Variants in SLC9C1 observed in about 807,000 individuals in gnomAD.
SLC9C1 encodes solute carrier family 9 member C1, also known as sodium/hydrogen exchanger 10.
Under a neutral mutation model 140.9 loss-of-function variants are expected in SLC9C1, and 97 were observed. The observed-to-expected ratio is 0.69, with a 90% CI of 0.58 to 0.82. The LOEUF (loss-of-function observed/expected upper bound fraction) is 0.82, where lower values mean the gene tolerates loss of function less well. SLC9C1 is among the 40% of genes least tolerant of loss of function. SLC9C1 has a pLI of 0.00. For missense variants in SLC9C1, 1,340 were observed against 1,389.3 expected (o/e 0.96, Z 0.56); for synonymous variants, 440 against 442.6 (o/e 0.99, Z 0.07).
intron 5 of SLC9C1, among the ~76,000 whole-genome samples, chr3:112,275,500 T>C (rs929238446): frequency 2.0e-5 from 3 of 152,186 alleles, no homozygotes; most frequent in Non-Finnish European, 4.4e-5. Context: ...TCAATCTCCA[T>C]GAATGGAGAG....
chr3:112,257,606 G>A (rs760040649), intron 10 of SLC9C1, among the ~76,000 whole-genome samples: 9 of 151,998 alleles, frequency 5.9e-5, no homozygotes, highest in Non-Finnish European at 1.0e-4. Flanking sequence ...CCTGGAAGAC[G>A]ACCTAGGCAA....
At chr3:112,287,035 T>TA (rs1350743783) in intron 1 of SLC9C1, among the ~76,000 whole-genome samples, 157 bp from the exon 2 acceptor site, 4 of 152,180 alleles carry the variant, frequency 2.6e-5, no homozygotes, top group Non-Finnish European at 5.9e-5. Flanking sequence ...GTTAATGTAA[T>TA]AAAAAAGTCA....
chr3:112,274,345 G>A (rs1462425366), intron 6 of SLC9C1, among the ~76,000 whole-genome samples: 5 of 151,874 alleles, frequency 3.3e-5, no homozygotes. Flanking sequence ...CATGATAAAG[G>A]GGAAAAAAAG....
Position 112,149,679 on chromosome 3 carries a change from G to A in SLC9C1, c.3524+2178C>T, listed in dbSNP as rs144816766. ...CAAATGCCTGGAGGTCTGCCTGGGT[G>A]TGGAACAGAGAGCCCCACTGTACCA... On this transcript the variant is annotated intron_variant, in intron 28 of 28. Transcript: ENST00000305815. Among the ~76,000 whole-genome samples the A allele has an allele frequency of 5.2e-3, 785 of 152,252 alleles. 6 individuals carry two copies. Among genetic ancestry groups the A allele is most frequent in the Non-Finnish European group, 4.8e-3 (325 of 68,022 alleles).
intron 23 of SLC9C1, among the ~76,000 whole-genome samples, chr3:112,174,945 G>T (rs1010220116): frequency 3.9e-5 from 6 of 152,158 alleles, no homozygotes; most frequent in African/African-American, 1.4e-4. Flanking sequence ...TGAGCTGGTT[G>T]CTCTTTGCTG....
At chr3:112,293,848 A>T (rs139249962) in intron 1 of SLC9C1, among the ~76,000 whole-genome samples, 3 of 152,342 alleles carry the variant, frequency 2.0e-5, no homozygotes, top group South Asian at 2.1e-4. Flanking sequence ...GAGTTGATGT[A>T]AAAAGCATAA....
chr3:112,181,192 A>AAT (rs1329049610), intron 21 of SLC9C1, among the ~76,000 whole-genome samples: 1 of 152,204 alleles, frequency 6.6e-6, no homozygotes, highest in Non-Finnish European at 1.5e-5. Context: ...GATCTTTGTG[A>AAT]ATATATGCAA....
At chr3:112,198,907 T>C (rs1314013809) in intron 20 of SLC9C1, among the ~76,000 whole-genome samples, 1 of 152,002 alleles carries the variant, frequency 6.6e-6, no homozygotes, top group Non-Finnish European at 1.5e-5. Context: ...TATGTCATAG[T>C]ACCATTTATG....
chr3:112,244,222 T>A, intron 10 of SLC9C1, 146 bp from the exon 11 acceptor site: 2 of 430,776 alleles, frequency 4.6e-6, no homozygotes, highest in Non-Finnish European at 4.1e-6. Flanking sequence ...GGGGAGGAAT[T>A]AATCTAAGAT....
At chr3:112,288,017 T>G (rs1207658856) in intron 1 of SLC9C1, among the ~76,000 whole-genome samples, 1 of 117,408 alleles carries the variant, frequency 8.5e-6, no homozygotes, top group African/African-American at 3.2e-5. Flanking sequence ...CACTCCAGCT[T>G]GGGCCACAGA....
intron 14 of SLC9C1, among the ~76,000 whole-genome samples, chr3:112,220,358 G>A (rs754893313): frequency 5.3e-5 from 8 of 152,132 alleles, no homozygotes; most frequent in Non-Finnish European, 1.2e-4. Context: ...CTTAACACAA[G>A]GTTGGCACAT....
chr3:112,163,720 G>C (rs931615937), intron 26 of SLC9C1, among the ~76,000 whole-genome samples: 1 of 152,048 alleles, frequency 6.6e-6, no homozygotes, highest in African/African-American at 2.4e-5. Context: ...AATAGGTGTG[G>C]TGTGGTGCTG....
intron 13 of SLC9C1, among the ~76,000 whole-genome samples, chr3:112,222,558 G>A (rs569435503): frequency 6.6e-6 from 1 of 152,112 alleles, no homozygotes; most frequent in East Asian, 1.9e-4. Flanking sequence ...TATCACAAGC[G>A]AAAAAGAGGT....
intron 13 of SLC9C1, among the ~76,000 whole-genome samples, chr3:112,222,400 G>A (rs1376260916): frequency 6.6e-6 from 1 of 152,118 alleles, no homozygotes; most frequent in East Asian, 1.9e-4. Flanking sequence ...GAACAGAGCA[G>A]AGAAATCCAA....
Position 112,244,080 on chromosome 3 carries a change from G to T in SLC9C1, c.1198-4C>A. On this transcript the variant is annotated splice_region_variant and splice_polypyrimidine_tract_variant and intron_variant, in intron 10 of 28. Coordinates refer to ENST00000305815, the MANE Select transcript of SLC9C1 (RefSeq NM_183061.3). ...CTAACACTCCATGAAATAATATCTA[G>T]AATTGAAAAAAATACAAAGTAAGTA... 6.4e-7 allele frequency: 1 copy of T among 1,556,996 alleles called. No individual in the cohort carries two copies. Among genetic ancestry groups the T allele is most frequent in the Non-Finnish European group, 8.8e-7 (1 of 1,142,738 alleles).
chr3:112,249,651 A>G (rs184251499), intron 10 of SLC9C1, among the ~76,000 whole-genome samples: 38 of 152,208 alleles, frequency 2.5e-4, no homozygotes, highest in African/African-American at 8.7e-4. Flanking sequence ...GTTTCAATTT[A>G]TTCCTGGTTT....
rs1228400131 is a variant in SLC9C1, at chr3:112,274,988, T to A, written c.522A>T (p.Glu174Asp). Residue 174 changes from glutamate (E) to aspartate (D), a missense_variant, in exon 6 of 29, where the codon GAA (glutamate) becomes GAT (aspartate). Glu to Asp is a conservative substitution (Grantham distance 45, BLOSUM62 2). Coordinates refer to ENST00000305815, the MANE Select transcript of SLC9C1 (RefSeq NM_183061.3). ...SRSLISLING[E>D]SLMTSVISLI... The stretch of plus-strand genomic sequence containing the variant: ...ATGATATAACAGAGGTCATCAGACT[T>A]TCTCCATTAATTAAACTGATGAGGC... 18 of 1,580,560 alleles carry A rather than the reference T, an allele frequency of 1.1e-5. No homozygotes were observed. The highest frequency in any genetic ancestry group is 2.8e-5 in the African/African-American group (2 of 72,688).
intron 7 of SLC9C1, 108 bp downstream of exon 7, chr3:112,269,808 A>T: frequency 1.2e-6 from 1 of 845,026 alleles, no homozygotes; most frequent in Non-Finnish European, 1.7e-6. Flanking sequence ...TATTCTGTCT[A>T]GATCAGTTGA....
chr3:112,234,495 G>C (rs969229089), intron 12 of SLC9C1, among the ~76,000 whole-genome samples: 6 of 152,064 alleles, frequency 3.9e-5, no homozygotes, highest in Non-Finnish European at 7.4e-5. Context: ...GATCCCATTT[G>C]TCAATTTTGG....
Sources: gnomAD v4.1 joint callset for allele counts (sites outside exome capture counted in the v4.1 genomes callset) on GRCh38, gnomAD v4.1.1 for gene constraint, MANE v1.5 for transcripts, NCBI Gene and HGNC (gene_info 2026-07-23, HGNC 2026-07-21) for gene names.